Variants in DNAH5 observed in about 807,000 individuals in gnomAD.
The protein encoded by DNAH5 is axonemal beta dynein heavy chain 5.
Under a neutral mutation model 518.2 loss-of-function variants are expected in DNAH5, and 372 were observed. The observed-to-expected ratio is 0.72, with a 90% CI of 0.66 to 0.78. The LOEUF is 0.78. Among genes scored for constraint, DNAH5 ranks in the 30% least tolerant of loss-of-function variants. The pLI, the probability that DNAH5 is intolerant of heterozygous loss-of-function variation, is 0.00. For synonymous variants in DNAH5, 2,039 were observed against 2,025.9 expected (o/e 1.01, Z -0.17); for missense variants, 5,523 against 5,687.0 (o/e 0.97, Z 0.93).
At chr5:13,976,888 T>C (rs1782301696) in intron 1 of DNAH5, among the ~76,000 whole-genome samples, 1 of 152,118 alleles carries the variant, frequency 6.6e-6, no homozygotes, top group Non-Finnish European at 1.5e-5. Context: ...CTATGAAAAA[T>C]AACATTTATA....
intron 1 of DNAH5, among the ~76,000 whole-genome samples, chr5:14,010,404 T>C (rs995514938): frequency 6.6e-6 from 1 of 152,188 alleles, no homozygotes; most frequent in Non-Finnish European, 1.5e-5. Context: ...AGATGAAAGC[T>C]AATAGCCATG....
rs1768897974 is a variant in DNAH5 at position 13,864,267 on chromosome 5, A to G, written c.4596+130T>C. ...CAAATAAGCATTTGTTGAAGGAACTAGTGGCTGAATGCCAGGAGAAGAGTT... is the reference window on the plus strand; with the variant it reads ...CAAATAAGCATTTGTTGAAGGAACTGGTGGCTGAATGCCAGGAGAAGAGTT... On this transcript the variant is annotated intron_variant, in intron 28 of 78. Transcript: ENST00000265104. The G allele has an allele frequency of 4.9e-6, 6 of 1,214,616 alleles. 1 individual carries two copies. The highest frequency in any genetic ancestry group is 1.2e-6 in the Non-Finnish European group (1 of 834,572). The allele number at this position is 1,214,616 out of a possible 1,614,324, so 75.2% of individuals were successfully genotyped here. A position where few individuals can be genotyped will look rare whatever the true frequency, so the allele number is the denominator to read the frequency against.
Position 13,701,482 on chromosome 5 carries a change from T to G in DNAH5, c.13339-46A>C, listed in dbSNP as rs750663964. The G allele has an allele frequency of 2.0e-6, 3 of 1,523,710 alleles. No homozygotes were observed. In the Admixed American group the frequency reaches 5.0e-5, roughly 26 times the overall value. The allele number at this position is 1,523,710 out of a possible 1,614,324, so 94.4% of individuals were successfully genotyped here. On this transcript the variant is annotated intron_variant, in intron 76 of 78. Transcript: ENST00000265104. ...CAATTAATTGATGTAAGTTTAATACTGCAGTGTAAACCAGCTATGTTCACT... is the reference window on the plus strand; with the variant it reads ...CAATTAATTGATGTAAGTTTAATACGGCAGTGTAAACCAGCTATGTTCACT...
intron 65 of DNAH5, among the ~76,000 whole-genome samples, chr5:13,745,154 G>C (rs1447911853): frequency 6.6e-6 from 1 of 152,032 alleles, no homozygotes; most frequent in Non-Finnish European, 1.5e-5. Context: ...TCTCCCAATG[G>C]AACATAGATT....
At chr5:13,701,202 T>A in intron 77 of DNAH5, 82 bp downstream of exon 77, 1 of 1,574,628 alleles carries the variant, frequency 6.4e-7, no homozygotes, top group Non-Finnish European at 8.7e-7. Flanking sequence ...TCTGTCTTAT[T>A]ATAGTCTTTA....
At chr5:13,776,850 C>T in intron 54 of DNAH5, 144 bp from the exon 55 acceptor site, 1 of 907,326 alleles carries the variant, frequency 1.1e-6, no homozygotes. Flanking sequence ...AGATGAAATA[C>T]ACTACGTTTT....
At chr5:13,823,230 C>G (rs1177740127) in intron 40 of DNAH5, 33 bp downstream of exon 40, 1 of 1,362,730 alleles carries the variant, frequency 7.3e-7, no homozygotes, top group South Asian at 1.2e-5. Flanking sequence ...ATGAAACAGA[C>G]ACCAGCCCTC....
At chr5:13,878,780 A>G (rs1304219382) in intron 21 of DNAH5, among the ~76,000 whole-genome samples, 2 of 152,226 alleles carry the variant, frequency 1.3e-5, no homozygotes, top group Non-Finnish European at 2.9e-5. Flanking sequence ...CGCCAGAATC[A>G]GAGGATGCAG....
intron 76 of DNAH5, among the ~76,000 whole-genome samples, chr5:13,703,021 C>T (rs974629945): frequency 6.6e-6 from 1 of 152,066 alleles, no homozygotes; most frequent in African/African-American, 2.4e-5. Flanking sequence ...AAGGGACAAG[C>T]CTCCCTCCCA....
At chr5:13,869,830 T>TA (rs774257760) in intron 24 of DNAH5, among the ~76,000 whole-genome samples, 57 of 150,806 alleles carry the variant, frequency 3.8e-4, no homozygotes, top group Admixed American at 5.9e-4. Flanking sequence ...TTGTTTGTTT[T>TA]AAAAAAAAGG....
At chr5:13,732,706 C>T (rs1746779036) in intron 68 of DNAH5, among the ~76,000 whole-genome samples, 1 of 152,134 alleles carries the variant, frequency 6.6e-6, no homozygotes, top group Non-Finnish European at 1.5e-5. Flanking sequence ...CTTATCTTGA[C>T]TCTGCCCCTA....
chr5:13,705,684 C>T (rs954675182), intron 76 of DNAH5, among the ~76,000 whole-genome samples: 1 of 152,126 alleles, frequency 6.6e-6, no homozygotes, highest in African/African-American at 2.4e-5. Flanking sequence ...GGAACAGGGT[C>T]TTTACAGAGG....
intron 38 of DNAH5, among the ~76,000 whole-genome samples, chr5:13,826,583 A>C (rs1358142339): frequency 1.3e-5 from 2 of 152,186 alleles, no homozygotes; most frequent in Non-Finnish European, 2.9e-5. Context: ...ACACCACATG[A>C]AGAAGAATGT....
In DNAH5 at chr5:13,923,361, G is replaced by A. The variant is rs1026473277; in HGVS notation, c.357C>T (p.Asn119=). Residue 119 remains asparagine, a synonymous_variant, in exon 4 of 79, where the codon AAC becomes AAT. Transcript: ENST00000265104. ...KKPKVFVTEG[N]DVALTGVCVF... ...CACATACCCCAGTAAGAGCCACATCGTTTCCCTCGGTCACGAACACCTTAG... is the reference window on the plus strand; with the variant it reads ...CACATACCCCAGTAAGAGCCACATCATTTCCCTCGGTCACGAACACCTTAG... 20 of 1,614,016 alleles carry A rather than the reference G, an allele frequency of 1.2e-5. No homozygotes were observed. Among genetic ancestry groups the A allele is most frequent in the Middle Eastern group, 3.3e-4 (2 of 6,084 alleles).
chr5:13,757,124 G>A lies in DNAH5; in HGVS notation c.10419+1722C>T, dbSNP rs1217807658. ...TCTACCACTGTTGAACATTTAAGTT[G>A]ATTCCATGTCTTTGCTATTGTGAAC... On this transcript the variant is annotated intron_variant, in intron 61 of 78. Coordinates refer to ENST00000265104, the MANE Select transcript of DNAH5 (RefSeq NM_001369.3). Among the ~76,000 whole-genome samples, 80 of 152,160 alleles carry A rather than the reference G, an allele frequency of 5.3e-4. 1 individual carries two copies. The highest frequency in any genetic ancestry group is 5.2e-3 in the Admixed American group (80 of 15,276).
intron 69 of DNAH5, among the ~76,000 whole-genome samples, chr5:13,727,886 G>A (rs930093705): frequency 9.2e-5 from 14 of 152,294 alleles, no homozygotes; most frequent in African/African-American, 2.4e-4. Flanking sequence ...TCAAAGTAGG[G>A]AGAGTCATGG....
At chr5:13,719,177 TTAAG>T in intron 71 of DNAH5, 76 bp from the exon 72 acceptor site, 1 of 1,157,278 alleles carries the variant, frequency 8.6e-7, no homozygotes, top group African/African-American at 1.5e-5. Flanking sequence ...TCTTTAGAAA[TTAAG>T]TAATTAAAAT....
chr5:13,842,002 C>T, intron 32 of DNAH5, 98 bp from the exon 33 acceptor site: 2 of 759,720 alleles, frequency 2.6e-6, no homozygotes, highest in East Asian at 2.7e-5. Flanking sequence ...AGTAAAGCTA[C>T]AGATTATAAA....
intron 42 of DNAH5, 39 bp from the exon 43 acceptor site, chr5:13,814,885 A>T: frequency 1.2e-6 from 2 of 1,603,220 alleles, no homozygotes; most frequent in South Asian, 2.2e-5. Flanking sequence ...AAATACATAC[A>T]CTCATGCAGT....
Sources: allele counts gnomAD v4.1 joint callset (sites outside exome capture counted in the v4.1 genomes callset), GRCh38; gene constraint gnomAD v4.1.1; transcripts MANE v1.5; gene names NCBI Gene and HGNC (gene_info 2026-07-23, HGNC 2026-07-21).